VPS50: variants seen among roughly 807,000 people sequenced by gnomAD.
The protein encoded by VPS50 is syndetin.
VPS50 carries 70 observed loss-of-function variants against 139.7 expected under a neutral mutation model. That is an observed-to-expected ratio of 0.50 (90% confidence interval 0.41 to 0.61). The LOEUF is 0.61. Among genes scored for constraint, VPS50 ranks in the 20% least tolerant of loss-of-function variants. The pLI, the probability that VPS50 is intolerant of heterozygous loss-of-function variation, is 0.00. For synonymous variants in VPS50, 365 were observed against 376.7 expected (o/e 0.97, Z 0.36); for missense variants, 921 against 1,133.7 (o/e 0.81, Z 2.69).
intron 12 of VPS50, among the ~76,000 whole-genome samples, chr7:93,282,443 A>G (rs1339506764): frequency 6.6e-6 from 1 of 152,162 alleles, no homozygotes; most frequent in Non-Finnish European, 1.5e-5. Flanking sequence ...CGAGAAATGA[A>G]ATTGCATTGT....
intron 16 of VPS50, among the ~76,000 whole-genome samples, chr7:93,302,985 A>T (rs1797021005): frequency 6.6e-6 from 1 of 152,048 alleles, no homozygotes; most frequent in Non-Finnish European, 1.5e-5. Flanking sequence ...TGAGCTAAAC[A>T]TTTTCAGAAA....
chr7:93,322,530 G>A (rs1797646123), intron 20 of VPS50, among the ~76,000 whole-genome samples: 1 of 149,678 alleles, frequency 6.7e-6, no homozygotes, highest in Non-Finnish European at 1.5e-5. Flanking sequence ...AACCTGGGAG[G>A]CGGAGCTTGC....
intron 1 of VPS50, 29 bp downstream of exon 1, chr7:93,232,529 T>G (rs1161664230): frequency 6.2e-7 from 1 of 1,602,768 alleles, no homozygotes; most frequent in African/African-American, 1.3e-5. Context: ...AGCAAAGGCT[T>G]CCTTCATCTC....
chr7:93,269,637 G>C (rs1795946732), intron 9 of VPS50, among the ~76,000 whole-genome samples: 1 of 151,890 alleles, frequency 6.6e-6, no homozygotes, highest in African/African-American at 2.4e-5. Context: ...TCTCACTCTG[G>C]TATTATCTCT....
chr7:93,329,023 T>C (rs760559498), intron 21 of VPS50, among the ~76,000 whole-genome samples: 2 of 152,184 alleles, frequency 1.3e-5, no homozygotes, highest in Non-Finnish European at 2.9e-5. Flanking sequence ...AAGGAAATGG[T>C]ATTTATGGGA....
intron 12 of VPS50, among the ~76,000 whole-genome samples, chr7:93,280,218 T>G (rs978535759): frequency 2.0e-5 from 3 of 152,154 alleles, no homozygotes; most frequent in African/African-American, 2.4e-5. Context: ...ACTAAACATG[T>G]TTTTAGAGTG....
In VPS50 at chr7:93,359,549, A is replaced by T. The variant is rs1798792766; in HGVS notation, c.*1113A>T. The T allele has an allele frequency of 6.6e-6, 1 of 152,086 alleles. No homozygotes were observed. 9.4% of individuals were successfully genotyped at this position (152,086 alleles called of 1,614,324 possible). A position where few individuals can be genotyped will look rare whatever the true frequency, so the allele number is the denominator to read the frequency against. ...TCCATGTACTCTTGCCAACTGTCTG[A>T]TAAGGAATTTTGTGTGTGTTCTTTC... On this transcript the variant is annotated 3_prime_UTR_variant, in exon 28 of 28. Transcript: ENST00000305866.
chr7:93,232,848 T>C (rs1794678599), intron 1 of VPS50, among the ~76,000 whole-genome samples: 1 of 152,160 alleles, frequency 6.6e-6, no homozygotes, highest in Non-Finnish European at 1.5e-5. Flanking sequence ...TGCGAGCTGA[T>C]AGCCTGGGTA....
chr7:93,338,587 C>A (rs761738340), intron 22 of VPS50, among the ~76,000 whole-genome samples: 12 of 152,004 alleles, frequency 7.9e-5, no homozygotes, highest in East Asian at 1.9e-4. Context: ...GTGGGGAAGC[C>A]AAACAAAACT....
At position 93,329,412 on chromosome 7, in the gene VPS50, G is replaced by A. The variant is rs117960206; in HGVS notation, c.1978-4705G>A. Among the ~76,000 whole-genome samples the A allele has an allele frequency of 4.5e-4, 69 of 152,026 alleles. No individual in the cohort carries two copies. In the East Asian group the frequency reaches 0.011, roughly 25 times the overall value. On this transcript the variant is annotated intron_variant, in intron 21 of 27. Transcript: ENST00000305866. ...ATCAAAGTTATACAAAGTGAAGAGC[G>A]TAAAAAAGGATTAAAAGGAAAAAAG... is the stretch of plus-strand genomic sequence containing the variant.
intron 1 of VPS50, among the ~76,000 whole-genome samples, chr7:93,239,216 TA>T (rs1328572094): frequency 2.0e-5 from 3 of 152,202 alleles, no homozygotes; most frequent in Non-Finnish European, 4.4e-5. Flanking sequence ...AAGAGGATTT[TA>T]AAGAAAATGT....
intron 2 of VPS50, among the ~76,000 whole-genome samples, chr7:93,242,369 C>G (rs577395568): frequency 1.3e-5 from 2 of 151,910 alleles, no homozygotes; most frequent in East Asian, 3.9e-4. Context: ...AGTTATTTTA[C>G]AGGAAGTAGT....
In VPS50 at chr7:93,355,847, T is replaced by C. The variant is rs78951813; in HGVS notation, c.2586-44T>C. ...CAAATACCTGACAGTTTTTTGTTTCTAATTATCCTATAATGTATTTTTTTT... is the reference window on the plus strand; with the variant it reads ...CAAATACCTGACAGTTTTTTGTTTCCAATTATCCTATAATGTATTTTTTTT... On this transcript the variant is annotated intron_variant, in intron 26 of 27. Transcript: ENST00000305866. 3.4e-3 allele frequency: 4,250 copies of C among 1,256,908 alleles called. 121 individuals carry two copies. In the African/African-American group the frequency reaches 0.057, roughly 17 times the overall value. The allele number at this position is 1,256,908 out of a possible 1,614,324, so 77.9% of individuals were successfully genotyped here. A position where few individuals can be genotyped will look rare whatever the true frequency, so the allele number is the denominator to read the frequency against.
intron 27 of VPS50, among the ~76,000 whole-genome samples, chr7:93,357,668 C>G (rs1430919793): frequency 1.3e-5 from 2 of 152,150 alleles, no homozygotes; most frequent in Non-Finnish European, 2.9e-5. Flanking sequence ...TGAACTCTTG[C>G]TATTCAACCT....
At chr7:93,304,310 A>G (rs938545793) in intron 17 of VPS50, among the ~76,000 whole-genome samples, 6 of 151,722 alleles carry the variant, frequency 4.0e-5, no homozygotes, top group Non-Finnish European at 5.9e-5. Flanking sequence ...ATTCTGGATA[A>G]ATGTAAAGAA....
intron 20 of VPS50, among the ~76,000 whole-genome samples, chr7:93,314,546 C>T (rs767347676): frequency 4.6e-5 from 7 of 152,090 alleles, no homozygotes; most frequent in Non-Finnish European, 7.4e-5. Flanking sequence ...TTGGTATTCA[C>T]GGTTCTCTCT....
chr7:93,291,710 C>T lies in VPS50; in HGVS notation c.950C>T (p.Thr317Ile). The change falls in exon 13 of 28, where the codon ACA becomes ATA. Residue 317 changes from threonine (T) to isoleucine (I), a missense_variant. Physicochemically the swap from Thr to Ile is moderately conservative, Grantham distance 89 (BLOSUM62 -1). Around this residue, in one of 3 missense-constraint regions of VPS50, gnomAD observed 744 missense variants for 930.6 expected, o/e 0.80. Coordinates refer to ENST00000305866, the MANE Select transcript of VPS50 (RefSeq NM_017667.4). Reference protein sequence around the residue: ...LQYKDLCTHVTPDSYIPCLAD... With the variant: ...LQYKDLCTHVIPDSYIPCLAD... ...TCTTATCATTTTCTTTAGCATGTTA[C>T]ACCAGACAGCTATATTCCATGCCTT... The T allele has an allele frequency of 5.2e-6, 8 of 1,526,658 alleles. No individual in the cohort carries two copies. Among genetic ancestry groups the T allele is most frequent in the South Asian group, 1.3e-5 (1 of 75,292 alleles). 94.6% of individuals were successfully genotyped at this position (1,526,658 alleles called of 1,614,324 possible).
chr7:93,303,579 T>C, intron 17 of VPS50, 29 bp downstream of exon 17: 1 of 999,556 alleles, frequency 1.0e-6, no homozygotes, highest in Non-Finnish European at 1.5e-6. Context: ...CAAAGAAATC[T>C]GTCTTTTAGT....
chr7:93,251,960 T>C (rs2116819520), intron 2 of VPS50, among the ~76,000 whole-genome samples: 1 of 152,334 alleles, frequency 6.6e-6, no homozygotes, highest in Non-Finnish European at 1.5e-5. Context: ...TTGCATAGGA[T>C]AGGGATGCTG....
Sources: gnomAD v4.1 joint callset for allele counts (sites outside exome capture counted in the v4.1 genomes callset) on GRCh38, gnomAD v4.1.1 for gene constraint, gnomAD v4.1.1 regional missense constraint, MANE v1.5 for transcripts, NCBI Gene and HGNC (gene_info 2026-07-23, HGNC 2026-07-21) for gene names.